The following RALGDS variants were observed in gnomAD, a reference collection of about 807,000 sequenced individuals.
RALGDS encodes ral guanine nucleotide dissociation stimulator, also known as ral guanine nucleotide exchange factor.
In RALGDS, 44 loss-of-function variants were observed where a neutral mutation model predicts 99.8. The observed-to-expected ratio is 0.44, with a 90% confidence interval of 0.35 to 0.57. The LOEUF (loss-of-function observed/expected upper bound fraction) is 0.57. Among genes scored for constraint, RALGDS ranks in the 20% least tolerant of loss-of-function variants. RALGDS has a pLI of 0.01. For missense variants in RALGDS, 1,022 were observed against 1,203.1 expected (o/e 0.85, Z 2.23); for synonymous variants, 529 against 505.0 (o/e 1.05, Z -0.64).
In RALGDS at chr9:133,101,956, A is replaced by G. The variant is rs1830779419; in HGVS notation, c.2193T>C (p.Pro731=). Residue 731 remains proline (P), a synonymous_variant, in exon 15 of 18, where the codon CCT becomes CCC. Transcript: ENST00000372050. The stretch of plus-strand genomic sequence containing the variant: ...CAGTCACCTTCTTTTCCTGGCCATC[A>G]GGAGACTCCGGGACGAAGCTGATGT... The part of the protein sequence containing the change: ...EINISFVPES[P]DGQEKKFWES... 2.6e-6 allele frequency: 4 copies of G among 1,551,332 alleles called. No individual in the cohort carries two copies. The highest frequency in any genetic ancestry group is 3.5e-6 in the Non-Finnish European group (4 of 1,147,120).
intron 14 of RALGDS, 148 bp downstream of exon 14, chr9:133,102,328 G>T: frequency 9.2e-7 from 1 of 1,086,772 alleles, no homozygotes; most frequent in Non-Finnish European, 1.4e-6. Flanking sequence ...GGCCCAAAAA[G>T]GTGAGGGGAC....
At chr9:133,123,236 G>A (rs7036096), upstream of RALGDS, among the ~76,000 whole-genome samples, 40,115 of 151,936 alleles carry the variant, frequency 0.26, 5,540 homozygotes, top group Middle Eastern at 0.43. Flanking sequence ...CAATGCCTCC[G>A]GAAACTGAAA....
chr9:133,121,271 A>G, upstream of RALGDS: 1 of 943,038 alleles, frequency 1.1e-6, no homozygotes, highest in Non-Finnish European at 1.3e-6. Flanking sequence ...TGCTGATGTC[A>G]GGCTGGGGGG....
At chr9:133,100,052 A>C in intron 17 of RALGDS, 1 of 621,320 alleles carries the variant, frequency 1.6e-6, no homozygotes, top group Non-Finnish European at 2.9e-6. Context: ...TGAGCTTTGA[A>C]CTGCCTGTTC....
rs764765524 is a variant in RALGDS at position 133,098,680 on chromosome 9, G to C, written c.2652C>G (p.Thr884=). The C allele has an allele frequency of 6.2e-7, 1 of 1,614,116 alleles. No homozygotes were observed. Among genetic ancestry groups the C allele is most frequent in the East Asian group, 2.2e-5 (1 of 44,860 alleles). The change falls in exon 18 of 18, where the codon ACC becomes ACG. Residue 884 remains threonine (T), a synonymous_variant. Coordinates refer to ENST00000372050, the MANE Select transcript of RALGDS (RefSeq NM_006266.4). ...GCTTGACCTTCACTCCCTTGGTGAA[G>C]GTCCGCTTCTTGAGGACAAAGTCAT... ...ANYDFVLKKR[T]FTKGVKVKHG...
chr9:133,107,036 G>A (rs372607065), intron 7 of RALGDS, 49 bp downstream of exon 7: 1 of 1,596,354 alleles, frequency 6.3e-7, no homozygotes, highest in African/African-American at 1.3e-5. Flanking sequence ...ACCACAACCT[G>A]AGAACAGATG....
At chr9:133,128,380 T>A (rs1326832931) in intron 1 of RALGDS, among the ~76,000 whole-genome samples, 1 of 151,974 alleles carries the variant, frequency 6.6e-6, no homozygotes, top group Non-Finnish European at 1.5e-5. Flanking sequence ...GAGGGTCCCA[T>A]AGTCTCAGCC....
rs114994822 is a variant in RALGDS at position 133,148,929 on chromosome 9, C to T, written c.18+34G>A. On this transcript the variant is annotated intron_variant, in intron 1 of 17. Coordinates refer to the RALGDS transcript ENST00000393160. ...CTGGGGCATACGGTCCTCCCTCCAC[C>T]CGCGACGCGAGGCTGGGGACGGCGC... 6.0e-3 allele frequency: 9,522 copies of T among 1,600,078 alleles called. 427 individuals are homozygous for T. In the African/African-American group the frequency reaches 0.097, roughly 16 times the overall value.
chr9:133,104,027 G>A (rs1007877798), intron 10 of RALGDS, among the ~76,000 whole-genome samples, 194 bp from the exon 11 acceptor site: 1 of 152,054 alleles, frequency 6.6e-6, no homozygotes, highest in African/African-American at 2.4e-5. Flanking sequence ...TTCCCAAGTC[G>A]TGTGGCCCCT....
At chr9:133,099,116 A>C (rs73558424) in intron 17 of RALGDS, 4,058 of 300,164 alleles carry the variant, frequency 0.014, 156 homozygotes, top group African/African-American at 0.08. Context: ...TGCCCTACTC[A>C]GGACAAGGGA....
At chr9:133,143,786 CAATAATAATAAT>C (rs144862270) in intron 1 of RALGDS, among the ~76,000 whole-genome samples, 61 of 125,504 alleles carry the variant, frequency 4.9e-4, no homozygotes, top group South Asian at 7.6e-4. Context: ...ACAACAACAA[CAATAATAATAAT>C]AATAATAATA....
At chr9:133,142,426 G>A (rs1271381913) in intron 1 of RALGDS, among the ~76,000 whole-genome samples, 1 of 152,162 alleles carries the variant, frequency 6.6e-6, no homozygotes, top group Non-Finnish European at 1.5e-5. Flanking sequence ...CCAGCCCGGA[G>A]CCTTCCTGCA....
At chr9:133,119,892 G>C (rs1831828745) in intron 1 of RALGDS, among the ~76,000 whole-genome samples, 1 of 152,166 alleles carries the variant, frequency 6.6e-6, no homozygotes, top group African/African-American at 2.4e-5. Flanking sequence ...ACACCAAGAG[G>C]CACGAGACTC....
At chr9:133,102,406 G>A (rs1049308143) in intron 14 of RALGDS, 70 bp downstream of exon 14, 1 of 1,518,922 alleles carries the variant, frequency 6.6e-7, no homozygotes, top group Admixed American at 1.7e-5. Flanking sequence ...GACTCCCTGA[G>A]CCCAGGCTCA....
At chr9:133,121,363 G>GC (rs1185544867), upstream of RALGDS, 3 of 376,338 alleles carry the variant, frequency 8.0e-6, no homozygotes, top group Non-Finnish European at 1.1e-5. Context: ...CGCGCCCGCG[G>GC]CCCCGCCCTC....
At chr9:133,146,360 G>C (rs181219347) in intron 1 of RALGDS, among the ~76,000 whole-genome samples, 49 of 152,242 alleles carry the variant, frequency 3.2e-4, no homozygotes, top group African/African-American at 1.1e-3. Flanking sequence ...GCTAATTTTT[G>C]TATTTCTTTT....
At chr9:133,116,997 G>A (rs1461369725) in intron 1 of RALGDS, among the ~76,000 whole-genome samples, 1 of 152,232 alleles carries the variant, frequency 6.6e-6, no homozygotes, top group Non-Finnish European at 1.5e-5. Flanking sequence ...CAGCTTTCTA[G>A]CACCTGCATC....
intron 10 of RALGDS, 86 bp downstream of exon 10, chr9:133,104,177 A>T: frequency 7.2e-7 from 1 of 1,397,524 alleles, no homozygotes; most frequent in Non-Finnish European, 1.0e-6. Flanking sequence ...AATGGGGCCC[A>T]TAGGCACCGT....
At chr9:133,100,432 TC>T (rs777166761) in intron 16 of RALGDS, 50 bp from the exon 17 acceptor site, 1 of 1,609,012 alleles carries the variant, frequency 6.2e-7, no homozygotes, top group South Asian at 1.1e-5. Context: ...CTGGAGCGGC[TC>T]CCCCAGAGTG....
Sources: allele counts gnomAD v4.1 joint callset (sites outside exome capture counted in the v4.1 genomes callset), GRCh38; gene constraint gnomAD v4.1.1; transcripts MANE v1.5; gene names NCBI Gene and HGNC (gene_info 2026-07-23, HGNC 2026-07-21).